Variants in ANO4 observed in about 807,000 individuals in gnomAD.
ANO4 encodes anoctamin-4.
Under a neutral mutation model 141.9 loss-of-function variants are expected in ANO4, and 69 were observed. The observed-to-expected ratio is 0.49, with a 90% CI of 0.40 to 0.59. The LOEUF is 0.59. ANO4 is among the 20% of genes least tolerant of loss of function. The pLI, the probability that ANO4 is intolerant of heterozygous loss-of-function variation, is 0.00. For missense variants in ANO4, 894 were observed against 1,162.2 expected, an observed-to-expected ratio of 0.77 and a Z score of 3.36; for synonymous variants, 350 against 394.3, an observed-to-expected ratio of 0.89 and a Z score of 1.33.
At chr12:101,036,375 T>C (rs566955180) in intron 9 of ANO4, among the ~76,000 whole-genome samples, 1 of 152,308 alleles carries the variant, frequency 6.6e-6, no homozygotes, top group East Asian at 1.9e-4. Context: ...GAAATCAGTA[T>C]CTTGAAGAGA....
chr12:100,727,623 A>G (rs1391609153), intron 1 of ANO4, among the ~76,000 whole-genome samples: 3 of 152,162 alleles, frequency 2.0e-5, no homozygotes, highest in Non-Finnish European at 2.9e-5. Flanking sequence ...TTAGAAATCC[A>G]TCTCATAGTC....
chr12:101,104,592 T>C lies in ANO4; in HGVS notation c.2149+4872T>C, dbSNP rs933901921. On this transcript the variant is annotated intron_variant, in intron 22 of 27. Coordinates refer to ENST00000392977, the MANE Select transcript of ANO4 (RefSeq NM_001286615.2). The stretch of plus-strand genomic sequence containing the variant: ...TATTTCAGGCTTTTGATAATATATA[T>C]ATGTGTGTGTGTGTGTGTGTGTGTA... 6.2e-5 allele frequency among the ~76,000 whole-genome samples: 6 copies of C among 96,014 alleles called. No individual in the cohort carries two copies. The East Asian group carries it at 9.9e-4, about 16-fold the overall frequency. 63.0% of individuals were successfully genotyped at this position (96,014 alleles called of 152,430 possible).
chr12:101,005,628 G>A (rs591711), intron 8 of ANO4, among the ~76,000 whole-genome samples: 23,329 of 152,148 alleles, frequency 0.15, 2,117 homozygotes, highest in East Asian at 0.24. Context: ...ATAAAAAATA[G>A]CCATATAATA....
chr12:100,832,038 C>T (rs1289177112), intron 1 of ANO4, among the ~76,000 whole-genome samples: 2 of 151,970 alleles, frequency 1.3e-5, no homozygotes, highest in African/African-American at 2.4e-5. Context: ...TAAATCTGTT[C>T]TGGTGTCAGA....
At chr12:100,800,002 C>T (rs2135657034) in intron 1 of ANO4, among the ~76,000 whole-genome samples, 1 of 152,194 alleles carries the variant, frequency 6.6e-6, no homozygotes, top group Non-Finnish European at 1.5e-5. Flanking sequence ...TCCATTATTT[C>T]TGGGTTCATT....
chr12:100,889,092 C>G (rs2039980513), intron 1 of ANO4, among the ~76,000 whole-genome samples: 1 of 137,946 alleles, frequency 7.2e-6, no homozygotes, highest in Non-Finnish European at 1.5e-5. Context: ...CATGTGTTCT[C>G]ATTGTTCAAT....
intron 1 of ANO4, among the ~76,000 whole-genome samples, chr12:100,893,898 G>A (rs1012992713): frequency 6.6e-6 from 1 of 152,060 alleles, no homozygotes; most frequent in South Asian, 2.1e-4. Context: ...TCTAAAGGAG[G>A]ATTTGAAGGA....
chr12:101,087,434 G>A (rs115444779), intron 17 of ANO4, among the ~76,000 whole-genome samples: 3,059 of 152,086 alleles, frequency 0.02, 120 homozygotes, highest in African/African-American at 0.071. Flanking sequence ...GAGGTGGGAA[G>A]GTCACTTGGT....
chr12:100,943,651 G>T (rs1397115868), intron 5 of ANO4, among the ~76,000 whole-genome samples: 1 of 152,128 alleles, frequency 6.6e-6, no homozygotes, highest in Non-Finnish European at 1.5e-5. Context: ...TTATTCTCAG[G>T]AAAGAAGAAC....
chr12:100,745,413 T>C (rs1470257035), intron 3 of ANO4, among the ~76,000 whole-genome samples: 1 of 152,254 alleles, frequency 6.6e-6, no homozygotes, highest in East Asian at 1.9e-4. Context: ...TACAGTTTTT[T>C]CATATGGCTA....
intron 3 of ANO4, among the ~76,000 whole-genome samples, chr12:100,751,729 G>A (rs559297850): frequency 1.4e-4 from 21 of 152,160 alleles, no homozygotes; most frequent in African/African-American, 4.8e-4. Context: ...TTATGGAATG[G>A]CAGTGGGATA....
At chr12:101,012,947 A>G (rs1265815537) in intron 8 of ANO4, among the ~76,000 whole-genome samples, 3 of 152,164 alleles carry the variant, frequency 2.0e-5, no homozygotes, top group Non-Finnish European at 4.4e-5. Flanking sequence ...GGTGCACTTC[A>G]GTTCCTTTTT....
chr12:101,019,480 CT>C lies in ANO4; in HGVS notation c.735-551del, dbSNP rs150617678. ...GAGGCAAATCAATCTTAAGTGTGTGCTTTAGAAGAAAGATCCTATTCACGAA... is the reference window on the plus strand; with the variant it reads ...GAGGCAAATCAATCTTAAGTGTGTGCTTAGAAGAAAGATCCTATTCACGAA... On this transcript the variant is annotated intron_variant, in intron 8 of 27. Transcript: ENST00000392977. Among the ~76,000 whole-genome samples, 85 of 152,190 alleles carry C rather than the reference CT, an allele frequency of 5.6e-4. 1 individual carries two copies. The highest frequency in any genetic ancestry group is 2.0e-3 in the African/African-American group (83 of 41,514).
chr12:100,907,628 C>T (rs2040906425), intron 2 of ANO4, among the ~76,000 whole-genome samples: 1 of 152,204 alleles, frequency 6.6e-6, no homozygotes, highest in Non-Finnish European at 1.5e-5. Flanking sequence ...ATCTGTTCTA[C>T]TCAGCAGATA....
chr12:101,013,978 G>A (rs1428786776), intron 8 of ANO4, among the ~76,000 whole-genome samples: 1 of 152,162 alleles, frequency 6.6e-6, no homozygotes, highest in Non-Finnish European at 1.5e-5. Flanking sequence ...GCATTAATGA[G>A]CACCTTTCCC....
chr12:100,888,711 G>A lies in ANO4; in HGVS notation c.-140-12935G>A, dbSNP rs567866763. 1.4e-4 allele frequency among the ~76,000 whole-genome samples: 21 copies of A among 152,312 alleles called. No homozygotes were observed. In the East Asian group the frequency reaches 2.9e-3, roughly 21 times the overall value. ...CAGGTGGAGAATGGATTTGAAGTAGGTGGAGGCCCACAAAACGTCACCAGC... is the reference window on the plus strand; with the variant it reads ...CAGGTGGAGAATGGATTTGAAGTAGATGGAGGCCCACAAAACGTCACCAGC... On this transcript the variant is annotated intron_variant, in intron 1 of 27. Transcript: ENST00000392977.
At chr12:100,834,478 A>G (rs2036798411) in intron 1 of ANO4, among the ~76,000 whole-genome samples, 1 of 152,100 alleles carries the variant, frequency 6.6e-6, no homozygotes, top group Non-Finnish European at 1.5e-5. Context: ...CCTGAAGAGC[A>G]TAGATTGTAA....
At chr12:100,747,626 G>T (rs1331892300) in intron 3 of ANO4, among the ~76,000 whole-genome samples, 1 of 152,216 alleles carries the variant, frequency 6.6e-6, no homozygotes, top group Non-Finnish European at 1.5e-5. Context: ...TGTAATCCCA[G>T]TACTTTGGGA....
chr12:100,948,643 T>A (rs1393234317), intron 5 of ANO4, among the ~76,000 whole-genome samples: 5 of 152,180 alleles, frequency 3.3e-5, no homozygotes, highest in Non-Finnish European at 7.3e-5. Context: ...AAAATTAAGA[T>A]ATTGTAGATG....
Sources: allele counts gnomAD v4.1 joint callset (sites outside exome capture counted in the v4.1 genomes callset), GRCh38; gene constraint gnomAD v4.1.1; transcripts MANE v1.5; gene names NCBI Gene and HGNC (gene_info 2026-07-23, HGNC 2026-07-21).